Variants in GABRB1 observed in about 807,000 individuals in gnomAD.
The protein encoded by GABRB1 is gamma-aminobutyric acid receptor subunit beta-1.
In GABRB1, 17 loss-of-function variants were observed where a neutral mutation model predicts 51.6. The observed-to-expected ratio is 0.33, with a 90% confidence interval of 0.23 to 0.49. The LOEUF is 0.49. Ranked by LOEUF, GABRB1 falls within the 20% of genes least tolerant of loss-of-function variation. The pLI, the probability that GABRB1 is intolerant of heterozygous loss-of-function variation, is 0.99. For missense variants in GABRB1, 410 were observed against 600.6 expected, an observed-to-expected ratio of 0.68 and a Z score of 3.32; for synonymous variants, 247 against 218.9, an observed-to-expected ratio of 1.13 and a Z score of -1.14.
At chr4:47,298,550 C>T (rs1267819703) in intron 4 of GABRB1, among the ~76,000 whole-genome samples, 1 of 152,138 alleles carries the variant, frequency 6.6e-6, no homozygotes, top group Non-Finnish European at 1.5e-5. Context: ...AGCACCTCTT[C>T]AAGGAGAACT....
intron 3 of GABRB1, among the ~76,000 whole-genome samples, chr4:47,071,766 AG>A (rs1481621977): frequency 6.6e-6 from 1 of 151,818 alleles, no homozygotes; most frequent in African/African-American, 2.4e-5. Context: ...GTGCATATGA[AG>A]GGCATTCAAA....
intron 3 of GABRB1, among the ~76,000 whole-genome samples, chr4:47,099,886 G>A (rs1012135599): frequency 6.6e-6 from 1 of 151,380 alleles, no homozygotes; most frequent in Non-Finnish European, 1.5e-5. Flanking sequence ...TTAGTTAAAT[G>A]CCTTATTTAG....
intron 3 of GABRB1, among the ~76,000 whole-genome samples, chr4:47,038,440 TC>T (rs900974120): frequency 6.6e-6 from 1 of 152,240 alleles, no homozygotes; most frequent in Non-Finnish European, 1.5e-5. Context: ...TGGAATTATT[TC>T]TATGTGGAGC....
intron 3 of GABRB1, among the ~76,000 whole-genome samples, chr4:47,059,672 C>T (rs761401559): frequency 5.9e-5 from 9 of 152,202 alleles, no homozygotes; most frequent in East Asian, 3.9e-4. Flanking sequence ...CTGCAGTATG[C>T]GAAGCAGGTG....
At chr4:47,019,622 T>TCA (rs1724853125) in intron 1 of GABRB1, among the ~76,000 whole-genome samples, 3 of 80,862 alleles carry the variant, frequency 3.7e-5, no homozygotes, top group Admixed American at 1.3e-4. Flanking sequence ...TCTTTCTTTC[T>TCA]CTCTCTTTCT....
rs189865264 is a variant in GABRB1, at chr4:47,309,594, G to A, written c.462-10533G>A. ...GAACATTTAATGATATCTCCCAATA[G>A]CTGAATTGTTAAGTAAGTCACAGGG... On this transcript the variant is annotated intron_variant, in intron 4 of 8. Transcript: ENST00000295454. Among the ~76,000 whole-genome samples, 135 of 152,158 alleles carry A rather than the reference G, an allele frequency of 8.9e-4. 2 individuals are homozygous for A. The East Asian group carries it at 0.025, about 29-fold the overall frequency.
upstream of GABRB1, among the ~76,000 whole-genome samples, chr4:47,029,571 C>G (rs186502743): frequency 4.5e-4 from 68 of 151,964 alleles, no homozygotes; most frequent in African/African-American, 1.6e-3. Flanking sequence ...ATAGTTATCG[C>G]AATAATCTTT....
chr4:47,131,212 T>A (rs763277984), intron 3 of GABRB1, among the ~76,000 whole-genome samples: 1 of 151,906 alleles, frequency 6.6e-6, no homozygotes, highest in Non-Finnish European at 1.5e-5. Flanking sequence ...CAGGCTGGAG[T>A]GCAGTGGCGC....
intron 5 of GABRB1, among the ~76,000 whole-genome samples, chr4:47,332,332 T>TATC (rs1179860445): frequency 6.6e-6 from 1 of 152,224 alleles, no homozygotes; most frequent in Non-Finnish European, 1.5e-5. Context: ...GTCCATTTAT[T>TATC]ATCCATAATT....
At chr4:47,249,612 G>T (rs1157554027) in intron 4 of GABRB1, among the ~76,000 whole-genome samples, 1 of 152,142 alleles carries the variant, frequency 6.6e-6, no homozygotes, top group African/African-American at 2.4e-5. Flanking sequence ...GAGCTCCAGT[G>T]TTAGGTGCAT....
chr4:47,164,834 G>T (rs1034207541), intron 4 of GABRB1, among the ~76,000 whole-genome samples: 5 of 152,060 alleles, frequency 3.3e-5, no homozygotes, highest in African/African-American at 9.7e-5. Flanking sequence ...TCTGGTAAGG[G>T]ACTGGCACTT....
At chr4:47,038,198 A>G (rs2109482180) in intron 3 of GABRB1, among the ~76,000 whole-genome samples, 1 of 152,258 alleles carries the variant, frequency 6.6e-6, no homozygotes, top group East Asian at 1.9e-4. Context: ...ACAAGAATTT[A>G]TTGAGTTCCC....
In GABRB1 at chr4:47,187,729, A is replaced by T. The variant is rs954811782; in HGVS notation, c.461+26260A>T. ...AGAAAAGAATCCAAAATGAGACACC[A>T]CATTGTCTAACCCCAGGGTAGCTCC... On this transcript the variant is annotated intron_variant, in intron 4 of 8. Coordinates refer to ENST00000295454, the MANE Select transcript of GABRB1 (RefSeq NM_000812.4). 1.1e-4 allele frequency among the ~76,000 whole-genome samples: 17 copies of T among 151,950 alleles called. 1 individual carries two copies. The highest frequency in any genetic ancestry group is 7.2e-4 in the Admixed American group (11 of 15,220).
At chr4:47,240,368 C>T (rs930786800) in intron 4 of GABRB1, among the ~76,000 whole-genome samples, 1 of 152,156 alleles carries the variant, frequency 6.6e-6, no homozygotes, top group South Asian at 2.1e-4. Flanking sequence ...CTCTGAGAAA[C>T]AAGAGCTGTG....
chr4:47,276,925 C>G (rs1458995718), intron 4 of GABRB1, among the ~76,000 whole-genome samples: 1 of 151,824 alleles, frequency 6.6e-6, no homozygotes. Flanking sequence ...ATAAAATGGC[C>G]CCAGACTGAG....
chr4:47,402,006 A>G (rs1441865318), intron 5 of GABRB1, among the ~76,000 whole-genome samples: 3 of 152,244 alleles, frequency 2.0e-5, no homozygotes, highest in Admixed American at 6.5e-5. Flanking sequence ...AATTAGTCCC[A>G]TGTAGATTAT....
intron 4 of GABRB1, among the ~76,000 whole-genome samples, chr4:47,270,512 G>A (rs1475061013): frequency 2.0e-5 from 3 of 152,202 alleles, no homozygotes; most frequent in Non-Finnish European, 2.9e-5. Context: ...GCTTTCTGTT[G>A]TGGAGTGGGG....
chr4:46,994,514 C>CAGAGAGAG (rs139375755), intron 1 of GABRB1: 1 of 120,906 alleles, frequency 8.3e-6, no homozygotes, highest in Non-Finnish European at 1.8e-5. Flanking sequence ...CAGAGAGAGA[C>CAGAGAGAG]AGAGAGAGAG....
Position 47,093,927 on chromosome 4 carries a change from A to G in GABRB1, c.240+61443A>G, listed in dbSNP as rs553767553. The stretch of plus-strand genomic sequence containing the variant: ...TTATCCCAATGAATGGAGCAGCTTT[A>G]TACATTTGTCACCATTTCTACCTTA... On this transcript the variant is annotated intron_variant, in intron 3 of 8. Transcript: ENST00000295454. Among the ~76,000 whole-genome samples, 21 of 152,228 alleles carry G rather than the reference A, an allele frequency of 1.4e-4. 1 individual carries two copies. The South Asian group carries it at 4.2e-3, about 30-fold the overall frequency.
Sources: gnomAD v4.1 joint callset for allele counts (sites outside exome capture counted in the v4.1 genomes callset) on GRCh38, gnomAD v4.1.1 for gene constraint, MANE v1.5 for transcripts, NCBI Gene and HGNC (gene_info 2026-07-23, HGNC 2026-07-21) for gene names.